Variants in SERGEF observed in about 807,000 individuals in gnomAD.
SERGEF encodes the protein secretion-regulating guanine nucleotide exchange factor.
Under a neutral mutation model 50.0 loss-of-function variants are expected in SERGEF, and 51 were observed. The ratio of observed to expected loss-of-function variants is 1.02; its 90% CI spans 0.81 to 1.29. The LOEUF (loss-of-function observed/expected upper bound fraction) is 1.29, where lower values mean the gene tolerates loss of function less well. Among genes scored for constraint, SERGEF ranks in the 50% most tolerant of loss-of-function variants. The pLI, the probability that SERGEF is intolerant of heterozygous loss-of-function variation, is 0.00. For missense variants in SERGEF, 521 were observed against 557.0 expected (o/e 0.94, Z 0.65); for synonymous variants, 205 against 212.4 (o/e 0.97, Z 0.30).
chr11:17,865,822 G>A (rs985911068), intron 10 of SERGEF, among the ~76,000 whole-genome samples: 3 of 152,154 alleles, frequency 2.0e-5, no homozygotes, highest in African/African-American at 7.2e-5. Flanking sequence ...GTAATTCAGT[G>A]TAGCCTAAGT....
At position 17,886,364 on chromosome 11, in the gene SERGEF, C is replaced by T. The variant is rs1164459321; in HGVS notation, c.1012-8120G>A. ...GTGGCACACATCTGTAATCCCGGCACTTTAGGAGGCTGAGGCAAGCAGATA... is the reference window on the plus strand; with the variant it reads ...GTGGCACACATCTGTAATCCCGGCATTTTAGGAGGCTGAGGCAAGCAGATA... On this transcript the variant is annotated intron_variant, in intron 9 of 10. Coordinates refer to ENST00000265965, the MANE Select transcript of SERGEF (RefSeq NM_012139.4). Among the ~76,000 whole-genome samples the T allele has an allele frequency of 3.7e-4, 57 of 152,102 alleles. 1 individual carries two copies. The highest frequency in any genetic ancestry group is 1.5e-5 in the Non-Finnish European group (1 of 68,024).
At chr11:17,820,857 C>A (rs370032914) in intron 10 of SERGEF, among the ~76,000 whole-genome samples, 3 of 152,202 alleles carry the variant, frequency 2.0e-5, no homozygotes, top group East Asian at 3.9e-4. Context: ...GGCAGTGTGA[C>A]CATGGAGGCA....
chr11:17,959,498 G>C lies in SERGEF; in HGVS notation c.983C>G (p.Ser328Cys). The change falls in exon 9 of 11, where the codon TCT (serine) becomes TGT (cysteine). Residue 328 changes from serine to cysteine, a missense_variant. Physicochemically the swap from Ser to Cys is moderately radical, Grantham distance 112. Coordinates refer to ENST00000265965, the MANE Select transcript of SERGEF (RefSeq NM_012139.4). ...CSRPPNSMPS[S>C]PHCLTGATEV... ...AGTTGCTCCAGTTAAGCAATGCGGA[G>C]ACGAAGGCATGCTGTTCGGTGGTCT... The C allele has an allele frequency of 4.3e-6, 7 of 1,614,026 alleles. No homozygotes were observed. Among genetic ancestry groups the C allele is most frequent in the Non-Finnish European group, 5.9e-6 (7 of 1,179,936 alleles).
At chr11:17,957,679 T>C (rs569591332) in intron 9 of SERGEF, among the ~76,000 whole-genome samples, 1 of 151,806 alleles carries the variant, frequency 6.6e-6, no homozygotes, top group African/African-American at 2.4e-5. Flanking sequence ...GCCCTTGTCA[T>C]TGCATCCCCA....
At chr11:17,953,966 T>C (rs1191969165) in intron 9 of SERGEF, among the ~76,000 whole-genome samples, 2 of 152,208 alleles carry the variant, frequency 1.3e-5, no homozygotes, top group East Asian at 3.8e-4. Context: ...ATGTGCTAGA[T>C]TTTTAAATCT....
chr11:17,984,252 G>A (rs145801568), intron 8 of SERGEF, among the ~76,000 whole-genome samples: 2 of 152,308 alleles, frequency 1.3e-5, no homozygotes, highest in African/African-American at 4.8e-5. Flanking sequence ...ATTGGCTTAT[G>A]GTTCTGTAGG....
At chr11:17,794,074 T>G (rs1849532923) in intron 10 of SERGEF, among the ~76,000 whole-genome samples, 1 of 152,196 alleles carries the variant, frequency 6.6e-6, no homozygotes, top group Non-Finnish European at 1.5e-5. Context: ...CTGGAGGACG[T>G]TGCCAAGGAG....
intron 9 of SERGEF, among the ~76,000 whole-genome samples, chr11:17,941,960 C>T (rs186180588): frequency 1.3e-5 from 2 of 152,222 alleles, no homozygotes; most frequent in Admixed American, 6.5e-5. Context: ...AGTCCTTTGC[C>T]CTTTTTTAAA....
intron 8 of SERGEF, among the ~76,000 whole-genome samples, chr11:17,985,964 G>A (rs953007185): frequency 6.6e-6 from 1 of 152,202 alleles, no homozygotes; most frequent in Non-Finnish European, 1.5e-5. Flanking sequence ...CTACCCATTA[G>A]ACGCCAATAG....
intron 10 of SERGEF, among the ~76,000 whole-genome samples, chr11:17,847,754 T>C (rs1850641250): frequency 2.0e-5 from 3 of 151,930 alleles, no homozygotes; most frequent in Admixed American, 2.0e-4. Flanking sequence ...AGGTCAAAGG[T>C]TCTCAGACAT....
intron 8 of SERGEF, among the ~76,000 whole-genome samples, chr11:17,972,072 G>C (rs1429390541): frequency 1.3e-5 from 2 of 152,244 alleles, no homozygotes; most frequent in Admixed American, 6.5e-5. Context: ...GATCAAACTT[G>C]TAGGGTTGAG....
At chr11:17,934,661 C>T (rs1402034183) in intron 9 of SERGEF, among the ~76,000 whole-genome samples, 1 of 152,154 alleles carries the variant, frequency 6.6e-6, no homozygotes, top group Non-Finnish European at 1.5e-5. Flanking sequence ...AGGCTTCAGG[C>T]TGTGTGACAT....
intron 10 of SERGEF, among the ~76,000 whole-genome samples, chr11:17,833,603 A>G (rs1298045010): frequency 6.6e-6 from 1 of 152,204 alleles, no homozygotes; most frequent in Non-Finnish European, 1.5e-5. Context: ...GCAGACACTC[A>G]ACCCCAGCCC....
At chr11:17,976,123 T>C (rs980484737) in intron 8 of SERGEF, among the ~76,000 whole-genome samples, 3 of 152,096 alleles carry the variant, frequency 2.0e-5, no homozygotes, top group South Asian at 4.1e-4. Flanking sequence ...AAATCAGAAC[T>C]TACACCTAGC....
Position 17,998,436 on chromosome 11 carries a change from CATACAT to C in SERGEF, c.508+2055_508+2060del, listed in dbSNP as rs149571677. On this transcript the variant is annotated intron_variant, in intron 5 of 10. Transcript: ENST00000265965. Reference sequence around the variant, plus strand: ...TATCTTAAAAATACATACATACATACATACATATATATATATATATATATATATATA... The same window carrying C: ...TATCTTAAAAATACATACATACATACATATATATATATATATATATATATA... 4.9e-3 allele frequency among the ~76,000 whole-genome samples: 227 copies of C among 46,190 alleles called. 1 individual carries two copies. Among genetic ancestry groups the C allele is most frequent in the Middle Eastern group, 0.01 (1 of 100 alleles). The allele number at this position is 46,190 out of a possible 152,430, so 30.3% of individuals were successfully genotyped here.
intron 10 of SERGEF, among the ~76,000 whole-genome samples, chr11:17,829,791 A>C (rs529250991): frequency 6.6e-6 from 1 of 152,354 alleles, no homozygotes; most frequent in Admixed American, 6.5e-5. Flanking sequence ...TCCTCAAAAA[A>C]GCATTGTTTT....
chr11:17,859,804 A>G (rs2133881545), intron 10 of SERGEF, among the ~76,000 whole-genome samples: 1 of 152,358 alleles, frequency 6.6e-6, no homozygotes, highest in African/African-American at 2.4e-5. Flanking sequence ...AATGAAAAAA[A>G]TTGCCAACCT....
At chr11:17,799,640 A>G (rs1248372450) in intron 10 of SERGEF, among the ~76,000 whole-genome samples, 1 of 152,236 alleles carries the variant, frequency 6.6e-6, no homozygotes, top group Non-Finnish European at 1.5e-5. Context: ...GAATTGGGGC[A>G]ATAGTGGAGG....
chr11:17,943,651 G>A (rs1157583513), intron 9 of SERGEF, among the ~76,000 whole-genome samples: 2 of 152,170 alleles, frequency 1.3e-5, no homozygotes, highest in African/African-American at 2.4e-5. Flanking sequence ...ACCTTAAGCA[G>A]TTGAATTTAG....
Sources: gnomAD v4.1 joint callset for allele counts (sites outside exome capture counted in the v4.1 genomes callset) on GRCh38, gnomAD v4.1.1 for gene constraint, MANE v1.5 for transcripts, NCBI Gene and HGNC (gene_info 2026-07-23, HGNC 2026-07-21) for gene names.